Variants in NRG3 observed in about 807,000 individuals in gnomAD.
The protein encoded by NRG3 is neuregulin 3.
Under a neutral mutation model 66.9 loss-of-function variants are expected in NRG3, and 31 were observed. The ratio of observed to expected loss-of-function variants is 0.46; its 90% confidence interval spans 0.35 to 0.63. The LOEUF (loss-of-function observed/expected upper bound fraction) is 0.63, where lower values mean the gene tolerates loss of function less well. Ranked by LOEUF, NRG3 falls within the 20% of genes least tolerant of loss-of-function variation. The pLI, the probability that NRG3 is intolerant of heterozygous loss-of-function variation, is 0.00. For missense variants in NRG3, 910 were observed against 878.9 expected (o/e 1.04, Z -0.45); for synonymous variants, 393 against 359.4 (o/e 1.09, Z -1.06).
At chr10:82,731,923 A>G (rs1231751578) in intron 2 of NRG3, among the ~76,000 whole-genome samples, 1 of 152,182 alleles carries the variant, frequency 6.6e-6, no homozygotes, top group Non-Finnish European at 1.5e-5. Flanking sequence ...CAAGAAATCT[A>G]CTGCATAATA....
intron 3 of NRG3, among the ~76,000 whole-genome samples, chr10:82,743,293 C>T (rs973098037): frequency 6.6e-5 from 10 of 152,194 alleles, no homozygotes; most frequent in Admixed American, 2.0e-4. Flanking sequence ...GACTTCGATT[C>T]GCACTTTGTT....
At chr10:81,905,825 T>A (rs1844550760) in intron 1 of NRG3, among the ~76,000 whole-genome samples, 1 of 152,230 alleles carries the variant, frequency 6.6e-6, no homozygotes, top group Non-Finnish European at 1.5e-5. Context: ...TGGTATTGTT[T>A]GTGTTTTTTG....
chr10:82,614,837 T>A (rs1475459255), intron 2 of NRG3, among the ~76,000 whole-genome samples: 1 of 152,104 alleles, frequency 6.6e-6, no homozygotes, highest in Non-Finnish European at 1.5e-5. Context: ...CACAGGATAT[T>A]AGACTCCAGT....
intron 6 of NRG3, among the ~76,000 whole-genome samples, chr10:82,968,704 T>G (rs1851444944): frequency 7.4e-6 from 1 of 136,022 alleles, no homozygotes; most frequent in African/African-American, 2.6e-5. Flanking sequence ...AATTACTGAC[T>G]TTTAGTGATT....
intron 1 of NRG3, among the ~76,000 whole-genome samples, chr10:82,127,573 T>G (rs1484239292): frequency 6.6e-6 from 1 of 152,028 alleles, no homozygotes; most frequent in African/African-American, 2.4e-5. Flanking sequence ...CAAAGCTTAG[T>G]TAATACTTTG....
At chr10:82,249,193 A>T (rs2077376700) in intron 1 of NRG3, among the ~76,000 whole-genome samples, 1 of 152,082 alleles carries the variant, frequency 6.6e-6, no homozygotes, top group Non-Finnish European at 1.5e-5. Flanking sequence ...CTTTTTTCCT[A>T]GATTATAAAC....
In NRG3 at chr10:82,714,507, C is replaced by G. The variant is rs140687563; in HGVS notation, c.954-24070C>G. On this transcript the variant is annotated intron_variant, in intron 2 of 8. Transcript: ENST00000372141. ...CCTCAAAAAACAGAAACAATGTTTT[C>G]TGCTTCTGATGATCAAATATTTATC... 4.0e-3 allele frequency among the ~76,000 whole-genome samples: 616 copies of G among 152,296 alleles called. 1 individual carries two copies. The highest frequency in any genetic ancestry group is 7.1e-3 in the Admixed American group (109 of 15,296).
chr10:82,300,012 G>A (rs192768910), intron 1 of NRG3, among the ~76,000 whole-genome samples: 2 of 152,122 alleles, frequency 1.3e-5, no homozygotes, highest in Non-Finnish European at 2.9e-5. Context: ...AAAATGACAG[G>A]AGTACACGTG....
At chr10:82,079,012 T>A (rs2065240779) in intron 1 of NRG3, among the ~76,000 whole-genome samples, 1 of 152,198 alleles carries the variant, frequency 6.6e-6, no homozygotes, top group African/African-American at 2.4e-5. Flanking sequence ...TATGTGTTGA[T>A]AAAACGTGTT....
chr10:81,886,722 C>T (rs1054065212), intron 1 of NRG3, among the ~76,000 whole-genome samples: 4 of 151,780 alleles, frequency 2.6e-5, no homozygotes, highest in Admixed American at 6.6e-5. Context: ...TTTTGTTTAC[C>T]CATGTGATAG....
intron 1 of NRG3, among the ~76,000 whole-genome samples, chr10:82,255,581 T>C (rs953524040): frequency 6.7e-6 from 1 of 149,504 alleles, no homozygotes; most frequent in Non-Finnish European, 1.5e-5. Context: ...TCTGTAAATC[T>C]TTTTTTTTTA....
chr10:82,923,236 T>A (rs562407624), intron 4 of NRG3, among the ~76,000 whole-genome samples: 1 of 152,358 alleles, frequency 6.6e-6, no homozygotes, highest in African/African-American at 2.4e-5. Context: ...GTTCTACAGA[T>A]GCTGTTTGCT....
chr10:82,387,268 A>G (rs1353368621), intron 2 of NRG3, among the ~76,000 whole-genome samples: 1 of 118,310 alleles, frequency 8.5e-6, no homozygotes, highest in Non-Finnish European at 1.6e-5. Flanking sequence ...TTTATCATAA[A>G]ACACTCAAAA....
intron 3 of NRG3, among the ~76,000 whole-genome samples, chr10:82,861,690 G>A (rs2064137333): frequency 6.6e-6 from 1 of 152,154 alleles, no homozygotes; most frequent in Non-Finnish European, 1.5e-5. Context: ...CAGATGACAG[G>A]CAGCCAATTC....
chr10:82,309,789 T>G (rs1416509213), intron 1 of NRG3, among the ~76,000 whole-genome samples: 1 of 152,104 alleles, frequency 6.6e-6, no homozygotes, highest in Non-Finnish European at 1.5e-5. Context: ...GGATCCAGGG[T>G]GAAGGTGTGA....
chr10:82,318,709 C>T (rs1267688563), intron 1 of NRG3, among the ~76,000 whole-genome samples: 1 of 152,234 alleles, frequency 6.6e-6, no homozygotes, highest in Non-Finnish European at 1.5e-5. Flanking sequence ...CACCACTCTT[C>T]TCACTGTTGC....
At chr10:82,203,896 G>T (rs374577781) in intron 1 of NRG3, among the ~76,000 whole-genome samples, 2 of 152,036 alleles carry the variant, frequency 1.3e-5, no homozygotes, top group African/African-American at 4.8e-5. Flanking sequence ...GCAGTCTACT[G>T]CATTAAGTCA....
At chr10:82,683,270 G>A (rs2054256491) in intron 2 of NRG3, among the ~76,000 whole-genome samples, 1 of 151,782 alleles carries the variant, frequency 6.6e-6, no homozygotes, top group Non-Finnish European at 1.5e-5. Flanking sequence ...TTTTAATTTT[G>A]TATTTCTCCC....
intron 2 of NRG3, among the ~76,000 whole-genome samples, chr10:82,532,169 T>G: frequency 6.6e-6 from 1 of 151,966 alleles, no homozygotes; most frequent in Non-Finnish European, 1.5e-5. Flanking sequence ...TTAGTTATTT[T>G]GAAATATACA....
Sources: gnomAD v4.1 joint callset for allele counts (sites outside exome capture counted in the v4.1 genomes callset) on GRCh38, gnomAD v4.1.1 for gene constraint, MANE v1.5 for transcripts, NCBI Gene and HGNC (gene_info 2026-07-23, HGNC 2026-07-21) for gene names.